The following MCF2L variants were observed in gnomAD, a reference collection of about 807,000 sequenced individuals.
MCF2L encodes the protein MCF.2 cell line derived transforming sequence like, also known as guanine nucleotide exchange factor DBS.
MCF2L carries 97 observed loss-of-function variants against 153.4 expected under a neutral mutation model. The observed-to-expected ratio is 0.63, with a 90% confidence interval of 0.54 to 0.75. MCF2L has a LOEUF of 0.75. Ranked by LOEUF, MCF2L falls within the 30% of genes least tolerant of loss-of-function variation. MCF2L has a pLI of 0.00. For missense variants in MCF2L, 1,347 were observed against 1,495.2 expected (o/e 0.90, Z 1.64); for synonymous variants, 659 against 632.2 (o/e 1.04, Z -0.64).
chr13:113,062,847 T>C (rs947080135), intron 5 of MCF2L, among the ~76,000 whole-genome samples: 5 of 152,188 alleles, frequency 3.3e-5, no homozygotes, highest in East Asian at 1.9e-4. Flanking sequence ...AAGGCGTGTG[T>C]AGAGGAGCTT....
At chr13:112,902,944 C>T (rs1225272788) in intron 2 of MCF2L, among the ~76,000 whole-genome samples, 1 of 152,204 alleles carries the variant, frequency 6.6e-6, no homozygotes, top group Non-Finnish European at 1.5e-5. Flanking sequence ...GCTTCTCTCT[C>T]CAGCCCCTGC....
chr13:113,082,170 G>A (rs1290865116), intron 16 of MCF2L, among the ~76,000 whole-genome samples: 1 of 152,198 alleles, frequency 6.6e-6, no homozygotes, highest in Non-Finnish European at 1.5e-5. Flanking sequence ...CATAAGATTT[G>A]TGCCCTCTGT....
chr13:112,978,219 C>T lies in MCF2L; in HGVS notation c.79+8761C>T, dbSNP rs372936892. Among the ~76,000 whole-genome samples, 9 of 152,362 alleles carry T rather than the reference C, an allele frequency of 5.9e-5. No homozygotes were observed. In the East Asian group the frequency reaches 7.7e-4, roughly 13 times the overall value. On this transcript the variant is annotated intron_variant, in intron 1 of 29. Transcript: ENST00000535094. ...CACAAGCCCCCAACAAAACGGGGTT[C>T]GTGGTCTCTGCTCCTGGGTGGCTGA...
chr13:112,994,057 A>AT (rs1422139558), intron 1 of MCF2L, among the ~76,000 whole-genome samples: 1 of 152,134 alleles, frequency 6.6e-6, no homozygotes, highest in African/African-American at 2.4e-5. Context: ...CTTTTTCCTG[A>AT]TTAAAAAAAA....
At position 113,074,428 on chromosome 13, in the gene MCF2L, C is replaced by T. The variant is rs765160620; in HGVS notation, c.997-16C>T. 1 of 1,608,904 alleles carries T rather than the reference C, an allele frequency of 6.2e-7. No individual in the cohort carries two copies. Among genetic ancestry groups the T allele is most frequent in the Admixed American group, 1.7e-5 (1 of 59,960 alleles). On this transcript the variant is annotated splice_polypyrimidine_tract_variant and intron_variant, in intron 9 of 29. Coordinates refer to ENST00000535094, the MANE Select transcript of MCF2L (RefSeq NM_001112732.3). This position sits in a 1 kb window ranked among gnomAD's most constrained non-coding sequence, Gnocchi z 4.2. ...GAGGGAGACACCCCCCTGAGATGGGCCCTCCTCTGTTCCAGGTCAAAGCCA... is the reference window on the plus strand; with the variant it reads ...GAGGGAGACACCCCCCTGAGATGGGTCCTCCTCTGTTCCAGGTCAAAGCCA...
chr13:112,999,509 T>A (rs1286746924), intron 1 of MCF2L, among the ~76,000 whole-genome samples: 1 of 152,224 alleles, frequency 6.6e-6, no homozygotes, highest in Admixed American at 6.5e-5. Flanking sequence ...TTTCGGCTGA[T>A]CTTTGCTCAC....
At chr13:113,089,053 A>AT (rs1376924415) in intron 25 of MCF2L, among the ~76,000 whole-genome samples, 2 of 150,584 alleles carry the variant, frequency 1.3e-5, no homozygotes, top group South Asian at 2.1e-4. Context: ...TCATCCACTT[A>AT]TTTTTTTCAC....
intron 3 of MCF2L, among the ~76,000 whole-genome samples, chr13:113,041,537 G>C (rs2141481689): frequency 6.6e-6 from 1 of 151,908 alleles, no homozygotes; most frequent in East Asian, 1.9e-4. Context: ...GGGATCACGT[G>C]GCCCTGCCCC....
chr13:112,938,410 T>C (rs2081544246), intron 2 of MCF2L, among the ~76,000 whole-genome samples: 1 of 152,004 alleles, frequency 6.6e-6, no homozygotes, highest in Non-Finnish European at 1.5e-5. Flanking sequence ...GCATGTGGCT[T>C]ATTGTCAGTA....
chr13:113,044,859 G>A (rs757479815), intron 3 of MCF2L: 34 of 1,612,802 alleles, frequency 2.1e-5, no homozygotes, highest in Middle Eastern at 1.6e-4. Context: ...GGACCAGCAC[G>A]GGCACCTCAG....
intron 2 of MCF2L, among the ~76,000 whole-genome samples, chr13:112,961,006 C>T (rs1350022458): frequency 6.6e-6 from 1 of 152,118 alleles, no homozygotes; most frequent in Non-Finnish European, 1.5e-5. Context: ...AGTGACCAGG[C>T]ATCAAAACAC....
At chr13:113,017,719 C>G (rs561317825) in intron 2 of MCF2L, among the ~76,000 whole-genome samples, 1 of 152,122 alleles carries the variant, frequency 6.6e-6, no homozygotes, top group Admixed American at 6.5e-5. Context: ...CAGACTCCCC[C>G]GCCCGCCACT....
intron 3 of MCF2L, chr13:113,044,913 A>G: frequency 1.9e-6 from 3 of 1,611,540 alleles, no homozygotes; most frequent in Non-Finnish European, 2.5e-6. Context: ...ACTGTTTTGG[A>G]GGGTTTAGTC....
chr13:113,089,714 C>T lies in MCF2L; in HGVS notation c.2939C>T (p.Pro980Leu). 1.2e-6 allele frequency: 2 copies of T among 1,613,760 alleles called. No individual in the cohort carries two copies. Among genetic ancestry groups the T allele is most frequent in the Non-Finnish European group, 1.7e-6 (2 of 1,179,956 alleles). ...YVSSAPLTKP[P>L]EKGKGWSKTS... is the part of the protein sequence containing the mutation. The stretch of plus-strand genomic sequence containing the variant: ...AGCTCAGCGCCACTGACAAAGCCCC[C>T]CGAAAAGGGCAAAGGTGGGTATGTG... Residue 980 changes from proline to leucine, a missense_variant, in exon 26 of 30, where the codon CCC becomes CTC. This residue lies in a region of MCF2L where 383 missense variants were observed against 335.4 expected (regional missense o/e 1.14). Transcript: ENST00000535094.
intron 2 of MCF2L, among the ~76,000 whole-genome samples, chr13:112,959,759 T>C (rs1273693815): frequency 6.6e-6 from 1 of 152,198 alleles, no homozygotes; most frequent in Non-Finnish European, 1.5e-5. Context: ...CCACGTGCAG[T>C]ACACACCCAC....
chr13:113,099,717 A>T lies in MCF2L; in HGVS notation c.*2858A>T. 6.6e-6 allele frequency: 1 copy of T among 152,218 alleles called. No homozygotes were observed. Among genetic ancestry groups the T allele is most frequent in the East Asian group, 1.9e-4 (1 of 5,204 alleles). The allele number at this position is 152,218 out of a possible 1,614,324, so 9.4% of individuals were successfully genotyped here. ...AAACCTAAGAAACTCCATATCAAAT[A>T]AAAAATTTTAAATATGAGAGAACCA... On this transcript the variant is annotated 3_prime_UTR_variant, in exon 30 of 30. Coordinates refer to ENST00000535094, the MANE Select transcript of MCF2L (RefSeq NM_001112732.3).
At chr13:113,037,678 C>T (rs2086235673) in intron 3 of MCF2L, among the ~76,000 whole-genome samples, 1 of 152,114 alleles carries the variant, frequency 6.6e-6, no homozygotes, top group African/African-American at 2.4e-5. Flanking sequence ...GCTGCAGAGG[C>T]AGCCAGGACT....
At chr13:113,081,322 C>T in intron 16 of MCF2L, 43 bp downstream of exon 16, 2 of 1,536,928 alleles carry the variant, frequency 1.3e-6, no homozygotes, top group Non-Finnish European at 1.8e-6. Flanking sequence ...CGGGGACTCC[C>T]CTGGGCCAGC....
At chr13:112,924,335 C>T (rs928069798) in intron 2 of MCF2L, among the ~76,000 whole-genome samples, 2 of 152,014 alleles carry the variant, frequency 1.3e-5, no homozygotes, top group African/African-American at 2.4e-5. Context: ...TCAATTTCTC[C>T]GTATGCAGTT....
Sources: allele counts gnomAD v4.1 joint callset (sites outside exome capture counted in the v4.1 genomes callset), GRCh38; gene constraint gnomAD v4.1.1; regional missense constraint gnomAD v4.1.1; non-coding constraint Gnocchi (gnomAD v3.1); transcripts MANE v1.5; gene names NCBI Gene and HGNC (gene_info 2026-07-23, HGNC 2026-07-21).